The following IL17RC variants were observed in gnomAD, a reference collection of about 807,000 sequenced individuals.
IL17RC encodes the protein interleukin 17 receptor C.
In IL17RC, 53 loss-of-function variants were observed where a neutral mutation model predicts 86.7. That is an observed-to-expected ratio of 0.61 (90% CI 0.49 to 0.77). The LOEUF (loss-of-function observed/expected upper bound fraction) is 0.77. Among genes scored for constraint, IL17RC ranks in the 30% least tolerant of loss-of-function variants. The probability of loss-of-function intolerance (pLI) is 0.00; values close to 1 mark genes in which losing one functional copy is unlikely to be tolerated. For synonymous variants in IL17RC, 439 were observed against 413.1 expected, an observed-to-expected ratio of 1.06 and a Z score of -0.76; for missense variants, 957 against 940.0, an observed-to-expected ratio of 1.02 and a Z score of -0.24.
intron 3 of IL17RC, 99 bp downstream of exon 3, chr3:9,918,174 AG>A (rs2083264331): frequency 1.4e-6 from 2 of 1,394,946 alleles, no homozygotes; most frequent in African/African-American, 1.4e-5. Context: ...AGGCATCCTC[AG>A]TGTTCTCCTG....
chr3:9,918,713 C>A, intron 5 of IL17RC, 104 bp downstream of exon 5: 1 of 776,656 alleles, frequency 1.3e-6, no homozygotes, highest in Non-Finnish European at 2.1e-6. Flanking sequence ...TTATTGAAAC[C>A]CTTCAGTACC....
At chr3:9,919,312 T>C (rs938966293) in intron 5 of IL17RC, among the ~76,000 whole-genome samples, 1 of 142,858 alleles carries the variant, frequency 7.0e-6, no homozygotes, top group Non-Finnish European at 1.6e-5. Context: ...TTAAAGTTTT[T>C]TTGTTTTTGT....
At chr3:9,919,659 A>G (rs1191017516) in intron 5 of IL17RC, among the ~76,000 whole-genome samples, 2 of 152,184 alleles carry the variant, frequency 1.3e-5, no homozygotes, top group African/African-American at 4.8e-5. Context: ...AAAAAAGAAT[A>G]GTCCCACCTC....
Position 9,930,371 on chromosome 3 carries a change from A to T in IL17RC, c.1279-29A>T. 1 of 1,613,384 alleles carries T rather than the reference A, an allele frequency of 6.2e-7. No homozygotes were observed. Among genetic ancestry groups the T allele is most frequent in the Non-Finnish European group, 8.5e-7 (1 of 1,179,518 alleles). ...TGCCCTAAGGGTGCTACCTCCAGGT[A>T]ACAGTGCCCCCATCCTTTGGCTTGG... On this transcript the variant is annotated intron_variant, in intron 14 of 18. Coordinates refer to ENST00000403601, the MANE Select transcript of IL17RC (RefSeq NM_153460.4). This position sits in a 1 kb window ranked among gnomAD's most constrained non-coding sequence, Gnocchi z 5.8.
Position 9,923,966 on chromosome 3 carries a change from C to T in IL17RC, c.708C>T (p.Ser236=), listed in dbSNP as rs2083821629. 1 of 1,614,052 alleles carries T rather than the reference C, an allele frequency of 6.2e-7. No individual in the cohort carries two copies. Among genetic ancestry groups the T allele is most frequent in the Admixed American group, 1.7e-5 (1 of 60,008 alleles). ...CTGAGGAGCAGCACTTCGGCCTCTC[C>T]CTGTACTGGAATCAGGTCCAGGGCC... ...NVSEEQHFGL[S]LYWNQVQGPP... Residue 236 remains serine (S), a synonymous_variant, in exon 8 of 19, where the codon TCC becomes TCT. Coordinates refer to ENST00000403601, the MANE Select transcript of IL17RC (RefSeq NM_153460.4).
chr3:9,924,130 G>A, intron 8 of IL17RC, 102 bp from the exon 9 acceptor site: 1 of 1,608,388 alleles, frequency 6.2e-7, no homozygotes, highest in East Asian at 2.2e-5. Flanking sequence ...CCAAGCAAGG[G>A]AAAATTGGTG....
At chr3:9,922,356 T>C (rs2083655712) in intron 7 of IL17RC, among the ~76,000 whole-genome samples, 1 of 152,178 alleles carries the variant, frequency 6.6e-6, no homozygotes, top group Admixed American at 6.5e-5. Context: ...TACTAAATGT[T>C]TTCAACTTCA....
intron 3 of IL17RC, 61 bp downstream of exon 3, chr3:9,918,136 A>C (rs1385597957): frequency 2.0e-6 from 3 of 1,517,580 alleles, no homozygotes; most frequent in Non-Finnish European, 2.7e-6. Context: ...GGTGGGCATG[A>C]GGGCCAGGGG....
intron 18 of IL17RC, 45 bp from the exon 19 acceptor site, chr3:9,932,908 C>G (rs528020768): frequency 1.2e-6 from 2 of 1,607,548 alleles, no homozygotes; most frequent in South Asian, 2.2e-5. Context: ...GGAGCCAGGC[C>G]TGTGCCAGCT....
Position 9,930,729 on chromosome 3 carries a change from A to G in IL17RC, c.1339-166A>G. 1 of 742,750 alleles carries G rather than the reference A, an allele frequency of 1.3e-6. No homozygotes were observed. Among genetic ancestry groups the G allele is most frequent in the South Asian group, 1.6e-5 (1 of 62,728 alleles). 46.0% of individuals were successfully genotyped at this position (742,750 alleles called of 1,614,324 possible). A position where few individuals can be genotyped will look rare whatever the true frequency, so the allele number is the denominator to read the frequency against. On this transcript the variant is annotated intron_variant, in intron 15 of 18. Transcript: ENST00000403601. This position sits in a 1 kb window ranked among gnomAD's most constrained non-coding sequence, Gnocchi z 5.8. ...AGCCAGATTTGGTATGGAAGAAGTC[A>G]TACCCTAGTCAGTGGGCACAGCACA...
At chr3:9,931,468 CACATATAT>C (rs1339417926) in intron 16 of IL17RC, among the ~76,000 whole-genome samples, 12 of 17,928 alleles carry the variant, frequency 6.7e-4, no homozygotes, top group East Asian at 3.1e-3. Flanking sequence ...CACACACACA[CACATATAT>C]ATATATATAT....
intron 7 of IL17RC, among the ~76,000 whole-genome samples, chr3:9,923,289 G>A (rs932557031): frequency 1.5e-5 from 1 of 66,922 alleles, no homozygotes; most frequent in Non-Finnish European, 2.8e-5. Flanking sequence ...GATGGCTCAC[G>A]TCTGCAATCC....
At chr3:9,931,470 C>CACACATATATATATATATATATAT (rs750351615) in intron 16 of IL17RC, among the ~76,000 whole-genome samples, 22 of 43,698 alleles carry the variant, frequency 5.0e-4, no homozygotes, top group Admixed American at 1.7e-3. Flanking sequence ...CACACACACA[C>CACACATATATATATATATATATAT]ATATATATAT....
chr3:9,930,678 G>A lies in IL17RC; in HGVS notation c.1339-217G>A. The A allele has an allele frequency of 1.5e-6, 1 of 672,358 alleles. No individual in the cohort carries two copies. Among genetic ancestry groups the A allele is most frequent in the Non-Finnish European group, 2.6e-6 (1 of 386,320 alleles). 41.6% of individuals were successfully genotyped at this position (672,358 alleles called of 1,614,324 possible). A position where few individuals can be genotyped will look rare whatever the true frequency, so the allele number is the denominator to read the frequency against. On this transcript the variant is annotated intron_variant, in intron 15 of 18. Transcript: ENST00000403601. This position sits in a 1 kb window ranked among gnomAD's most constrained non-coding sequence, Gnocchi z 5.8. ...TGCTAAGTTTTGGGTTCCAGGGAGAGCTTCCGGGAAGAATTTCTTCCTATA... is the reference window on the plus strand; with the variant it reads ...TGCTAAGTTTTGGGTTCCAGGGAGAACTTCCGGGAAGAATTTCTTCCTATA...
chr3:9,917,580 A>G, intron 1 of IL17RC, 133 bp from the exon 2 acceptor site: 1 of 1,613,426 alleles, frequency 6.2e-7, no homozygotes, highest in Non-Finnish European at 8.5e-7. Flanking sequence ...AAGGGGCAAG[A>G]GCTGGGTCTG....
At chr3:9,932,349 C>T (rs376966316) in intron 16 of IL17RC, among the ~76,000 whole-genome samples, 10 of 150,342 alleles carry the variant, frequency 6.7e-5, no homozygotes, top group African/African-American at 2.5e-4. Context: ...GCCTCAGCCT[C>T]CCGAGTAGCT....
In IL17RC at chr3:9,928,340, C is replaced by T. The variant is rs773852926; in HGVS notation, c.913C>T (p.Arg305Ter). 3.6e-5 allele frequency: 57 copies of T among 1,603,618 alleles called. No individual in the cohort carries two copies. Among genetic ancestry groups the T allele is most frequent in the African/African-American group, 6.7e-5 (5 of 74,666 alleles). The change falls in exon 11 of 19, where the codon CGA (arginine) becomes TGA (stop). Residue 305 changes from arginine (R) to a stop codon, truncating the protein, a stop_gained. Transcript: ENST00000403601. LOFTEE classifies it high-confidence loss of function. ...RAHQNLWQAA[R>*]LQLLTLQSWL... The stretch of plus-strand genomic sequence containing the variant: ...ACACCAGAACCTCTGGCAAGCCGCC[C>T]GACTGCAACTGCTGACCCTGCAGAG...
rs1422051193 is a variant in IL17RC, at chr3:9,917,904, C to G, written c.128-19C>G. ...GGGCTTGGAACAGCTTCAGCTCCCA[C>G]CCGCTCCTCCACACACAGACAGTGA... On this transcript the variant is annotated intron_variant, in intron 2 of 18. Transcript: ENST00000403601. 1 of 1,612,944 alleles carries G rather than the reference C, an allele frequency of 6.2e-7. No homozygotes were observed. Among genetic ancestry groups the G allele is most frequent in the Admixed American group, 1.7e-5 (1 of 60,022 alleles).
At chr3:9,920,774 C>T in intron 6 of IL17RC, 151 bp from the exon 7 acceptor site, 2 of 765,260 alleles carry the variant, frequency 2.6e-6, no homozygotes, top group Non-Finnish European at 4.4e-6. Flanking sequence ...GCTTTCCAGC[C>T]CCTGGGGAAG....
Sources: gnomAD v4.1 joint callset for allele counts (sites outside exome capture counted in the v4.1 genomes callset) on GRCh38, gnomAD v4.1.1 for gene constraint, Gnocchi (gnomAD v3.1) non-coding constraint, MANE v1.5 for transcripts, NCBI Gene and HGNC (gene_info 2026-07-23, HGNC 2026-07-21) for gene names.